Variants in EXT1 observed in about 807,000 individuals in gnomAD.
EXT1 encodes the protein exostosin glycosyltransferase 1.
A neutral mutation model predicts 82.5 loss-of-function variants in EXT1; 20 were observed. That is an observed-to-expected ratio of 0.24 (90% confidence interval 0.17 to 0.35). The LOEUF is 0.35. EXT1 is among the 10% of genes least tolerant of loss of function. EXT1 has a pLI of 1.00. For synonymous variants in EXT1, 348 were observed against 350.8 expected, an observed-to-expected ratio of 0.99 and a Z score of 0.09; for missense variants, 757 against 936.5, an observed-to-expected ratio of 0.81 and a Z score of 2.50.
intron 1 of EXT1, among the ~76,000 whole-genome samples, chr8:118,071,338 A>G (rs1817088346): frequency 6.6e-6 from 1 of 152,180 alleles, no homozygotes; most frequent in South Asian, 2.1e-4. Context: ...ATAAAATTAC[A>G]TAGTTCTTTG....
chr8:118,011,776 A>C (rs867548467), intron 1 of EXT1, among the ~76,000 whole-genome samples: 4 of 152,196 alleles, frequency 2.6e-5, no homozygotes, highest in Admixed American at 6.5e-5. Context: ...ACATGTCTCC[A>C]TGACAAGCCG....
intron 1 of EXT1, among the ~76,000 whole-genome samples, chr8:117,948,071 GTATGTTTAATT>G (rs1479846502): frequency 6.6e-6 from 1 of 152,072 alleles, no homozygotes; most frequent in Non-Finnish European, 1.5e-5. Context: ...TTGGGGAGGT[GTATGTTTAATT>G]TATATCCTAC....
intron 1 of EXT1, among the ~76,000 whole-genome samples, chr8:117,854,160 A>T (rs891902531): frequency 1.3e-5 from 2 of 152,226 alleles, no homozygotes; most frequent in Non-Finnish European, 2.9e-5. Context: ...AAGGTAAGAG[A>T]GGTAAAGAAG....
intron 1 of EXT1, among the ~76,000 whole-genome samples, chr8:118,040,433 A>G (rs570045936): frequency 1.5e-4 from 23 of 152,150 alleles, no homozygotes; most frequent in Non-Finnish European, 2.2e-4. Flanking sequence ...TGCTTTGTCT[A>G]TGTTTTTGCC....
intron 1 of EXT1, among the ~76,000 whole-genome samples, chr8:118,023,580 A>T (rs1042459525): frequency 6.6e-6 from 1 of 152,144 alleles, no homozygotes; most frequent in Non-Finnish European, 1.5e-5. Flanking sequence ...CATAAACTAA[A>T]CCCTCAGCCT....
chr8:117,985,213 C>T (rs1215132604), intron 1 of EXT1, among the ~76,000 whole-genome samples: 3 of 152,234 alleles, frequency 2.0e-5, no homozygotes, highest in African/African-American at 7.2e-5. Flanking sequence ...ATTTGGAACA[C>T]TCACCAAGCC....
chr8:117,874,575 CAAAAAA>C (rs61249983), intron 1 of EXT1, among the ~76,000 whole-genome samples: 1 of 69,790 alleles, frequency 1.4e-5, no homozygotes, highest in Non-Finnish European at 2.9e-5. Flanking sequence ...GACTCTGCCT[CAAAAAA>C]AAAAAAAAAA....
At chr8:118,083,242 C>T (rs999421729) in intron 1 of EXT1, among the ~76,000 whole-genome samples, 3 of 152,154 alleles carry the variant, frequency 2.0e-5, no homozygotes, top group Non-Finnish European at 4.4e-5. Flanking sequence ...GAGCCTAGGA[C>T]ACAAAAAGCA....
intron 1 of EXT1, among the ~76,000 whole-genome samples, chr8:117,963,770 AT>A (rs1364109818): frequency 2.0e-5 from 3 of 152,168 alleles, no homozygotes; most frequent in African/African-American, 7.2e-5. Context: ...AATTACAGGC[AT>A]GAGCCACTGC....
intron 1 of EXT1, among the ~76,000 whole-genome samples, chr8:118,045,917 T>C (rs1816615355): frequency 6.6e-6 from 1 of 151,952 alleles, no homozygotes; most frequent in South Asian, 2.1e-4. Flanking sequence ...TGCCTCAGCC[T>C]CCTGAGTAGC....
intron 1 of EXT1, among the ~76,000 whole-genome samples, chr8:117,966,935 C>T (rs11562772): frequency 0.017 from 2,649 of 152,224 alleles, 80 homozygotes; most frequent in African/African-American, 0.058. Context: ...CAGCAGGTAA[C>T]CTTCTATTTC....
In EXT1 at chr8:118,105,074, C is replaced by T. The variant is rs547312553; in HGVS notation, c.962+5011G>A. ...AAGTCACCTTACCACCGTTTGCCTC[C>T]GTTTACACACCAGCAACATAGCCTG... On this transcript the variant is annotated intron_variant, in intron 1 of 10. Transcript: ENST00000378204. Among the ~76,000 whole-genome samples, 145 of 152,282 alleles carry T rather than the reference C, an allele frequency of 9.5e-4. 1 individual carries two copies. The highest frequency in any genetic ancestry group is 3.3e-3 in the African/African-American group (138 of 41,552).
chr8:117,975,624 A>T (rs1239608514), intron 1 of EXT1, among the ~76,000 whole-genome samples: 1 of 151,918 alleles, frequency 6.6e-6, no homozygotes, highest in Admixed American at 6.6e-5. Context: ...CCTCCCCTCT[A>T]ACATGCGGGG....
chr8:117,896,198 G>A (rs975073820), intron 1 of EXT1, among the ~76,000 whole-genome samples: 2 of 152,160 alleles, frequency 1.3e-5, no homozygotes, highest in African/African-American at 2.4e-5. Context: ...GTGCATGTGT[G>A]CACATGCATG....
intron 1 of EXT1, among the ~76,000 whole-genome samples, chr8:118,000,024 T>TAC (rs1175149857): frequency 9.2e-5 from 14 of 151,534 alleles, no homozygotes; most frequent in African/African-American, 2.7e-4. Flanking sequence ...CACACACACA[T>TAC]ACACACACAC....
At chr8:117,841,320 T>C (rs1246032529) in intron 1 of EXT1, among the ~76,000 whole-genome samples, 1 of 152,206 alleles carries the variant, frequency 6.6e-6, no homozygotes. Context: ...GTGTACATAC[T>C]GTTGAATCCT....
In EXT1 at chr8:117,799,771, G is replaced by A; in HGVS notation, c.2182C>T (p.Leu728Phe). ...IHSQMRLDPVLFKDQVSILRK... is the reference protein window; with the variant it reads ...IHSQMRLDPVFFKDQVSILRK... Reference sequence around the variant, plus strand: ...AAAATAGAGACCTGGTCTTTAAAGAGGACGGGGTCGAGCCTCATCTGAGAG... The same window carrying A: ...AAAATAGAGACCTGGTCTTTAAAGAAGACGGGGTCGAGCCTCATCTGAGAG... The change falls in exon 11 of 11, where the codon CTC (leucine) becomes TTC (phenylalanine). Residue 728 changes from leucine (L) to phenylalanine (F), a missense_variant. Physicochemically the swap from Leu to Phe is conservative, Grantham distance 22. Coordinates refer to ENST00000378204, the MANE Select transcript of EXT1 (RefSeq NM_000127.3). 1.9e-6 allele frequency: 3 copies of A among 1,614,146 alleles called. No individual in the cohort carries two copies. The highest frequency in any genetic ancestry group is 2.5e-6 in the Non-Finnish European group (3 of 1,180,020).
At chr8:117,900,661 G>A (rs1706315842) in intron 1 of EXT1, among the ~76,000 whole-genome samples, 1 of 152,184 alleles carries the variant, frequency 6.6e-6, no homozygotes, top group South Asian at 2.1e-4. Context: ...CCTTGGGCTT[G>A]GAGTCAGCAG....
chr8:117,811,385 T>G (rs1823320663), intron 8 of EXT1, among the ~76,000 whole-genome samples: 2 of 152,172 alleles, frequency 1.3e-5, no homozygotes. Flanking sequence ...CCCTTCCTCC[T>G]GCCAACCTAC....
Sources: gnomAD v4.1 joint callset for allele counts (sites outside exome capture counted in the v4.1 genomes callset) on GRCh38, gnomAD v4.1.1 for gene constraint, MANE v1.5 for transcripts, NCBI Gene and HGNC (gene_info 2026-07-23, HGNC 2026-07-21) for gene names.